The following STX8 variants were observed in gnomAD, a reference collection of about 807,000 sequenced individuals.
STX8 encodes syntaxin-8.
In STX8, 23 loss-of-function variants were observed where a neutral mutation model predicts 37.5. The ratio of observed to expected loss-of-function variants is 0.61; its 90% confidence interval spans 0.44 to 0.87. The LOEUF is 0.87. Among genes scored for constraint, STX8 ranks in the 40% least tolerant of loss-of-function variants. STX8 has a pLI of 0.00. For missense variants in STX8, 313 were observed against 284.7 expected, an observed-to-expected ratio of 1.10 and a Z score of -0.71; for synonymous variants, 115 against 99.1, an observed-to-expected ratio of 1.16 and a Z score of -0.95.
intron 4 of STX8, among the ~76,000 whole-genome samples, chr17:9,506,425 A>G (rs187782729): frequency 3.5e-4 from 12 of 34,628 alleles, no homozygotes; most frequent in African/African-American, 1.2e-3. Context: ...CCCCCCACCC[A>G]CCTTTCTTAG....
At chr17:9,479,852 C>T (rs1906247115) in intron 6 of STX8, among the ~76,000 whole-genome samples, 1 of 152,008 alleles carries the variant, frequency 6.6e-6, no homozygotes, top group African/African-American at 2.4e-5. Flanking sequence ...CTCCTGGCCC[C>T]CTCCTGCCCA....
At chr17:9,498,948 T>G (rs945086409) in intron 5 of STX8, among the ~76,000 whole-genome samples, 2 of 152,204 alleles carry the variant, frequency 1.3e-5, no homozygotes, top group African/African-American at 4.8e-5. Context: ...TTGAGGCAAT[T>G]AAGTGATTGT....
At chr17:9,406,176 A>G (rs537136894) in intron 6 of STX8, among the ~76,000 whole-genome samples, 1 of 152,352 alleles carries the variant, frequency 6.6e-6, no homozygotes, top group African/African-American at 2.4e-5. Flanking sequence ...TCTGCAGTAC[A>G]TGGCAAGCAA....
chr17:9,351,704 A>G (rs570898067), intron 7 of STX8, among the ~76,000 whole-genome samples: 1 of 152,196 alleles, frequency 6.6e-6, no homozygotes, highest in African/African-American at 2.4e-5. Context: ...TTTAATCTAC[A>G]ATTCTTCTAT....
chr17:9,548,698 T>C (rs993787116), intron 3 of STX8, among the ~76,000 whole-genome samples: 1 of 152,176 alleles, frequency 6.6e-6, no homozygotes, highest in African/African-American at 2.4e-5. Flanking sequence ...TTTTGAGCAC[T>C]TACTAAGTGT....
At chr17:9,426,102 C>A (rs140463740) in intron 6 of STX8, among the ~76,000 whole-genome samples, 72 of 152,262 alleles carry the variant, frequency 4.7e-4, no homozygotes, top group African/African-American at 8.7e-4. Flanking sequence ...CCCAAAAATG[C>A]TGAATTTCAA....
chr17:9,283,424 C>G (rs1907961277), intron 7 of STX8: 1 of 152,154 alleles, frequency 6.6e-6, no homozygotes, highest in African/African-American at 2.4e-5. Context: ...GCCTGTAATC[C>G]CAGTTACTCA....
chr17:9,429,370 TATATATAACATATATTTATATATTATAA>T (rs1454674135), intron 6 of STX8, among the ~76,000 whole-genome samples: 3 of 145,454 alleles, frequency 2.1e-5, no homozygotes, highest in South Asian at 2.1e-4. Flanking sequence ...AATAAATATT[TATATATAACATATATTTATATATTATAA>T]ATATATAAAT....
At chr17:9,469,633 A>T (rs1043426867) in intron 6 of STX8, 2 of 152,214 alleles carry the variant, frequency 1.3e-5, no homozygotes, top group African/African-American at 4.8e-5. Flanking sequence ...TTCTGGCAAG[A>T]AAAAAGTACC....
chr17:9,297,241 C>CAAAAAAAAAA (rs112089232), intron 7 of STX8, among the ~76,000 whole-genome samples: 13 of 90,822 alleles, frequency 1.4e-4, no homozygotes, highest in Non-Finnish European at 1.9e-4. Context: ...CCAGAGTTTG[C>CAAAAAAAAAA]AAAAAAAAAA....
At position 9,498,508 on chromosome 17, in the gene STX8, T is replaced by G. The variant is rs185760122; in HGVS notation, c.448+6530A>C. On this transcript the variant is annotated intron_variant, in intron 5 of 7. Coordinates refer to ENST00000306357, the MANE Select transcript of STX8 (RefSeq NM_004853.3). ...TGTTTTTATTTTTGTTTTAAGATTT[T>G]AGGAAAGGAATCCTTCTAGTCTAGG... 2.0e-5 allele frequency among the ~76,000 whole-genome samples: 3 copies of G among 152,330 alleles called. No homozygotes were observed. In the East Asian group the frequency reaches 5.8e-4, roughly 29 times the overall value.
chr17:9,525,155 G>A (rs1351663363), intron 4 of STX8, among the ~76,000 whole-genome samples: 1 of 151,962 alleles, frequency 6.6e-6, no homozygotes, highest in African/African-American at 2.4e-5. Context: ...TGTGAGCAGG[G>A]CCCAGGAATG....
At position 9,543,910 on chromosome 17, in the gene STX8, C is replaced by T. The variant is rs572269325; in HGVS notation, c.323+1262G>A. ...GTTTCTTCATGGAACCTTGGATCGC[C>T]GCTCCTGAGAAGACTGGAACCCACA... On this transcript the variant is annotated intron_variant, in intron 4 of 7. Coordinates refer to ENST00000306357, the MANE Select transcript of STX8 (RefSeq NM_004853.3). Among the ~76,000 whole-genome samples the T allele has an allele frequency of 5.9e-5, 9 of 152,274 alleles. No individual in the cohort carries two copies. In the South Asian group the frequency reaches 8.3e-4, roughly 14 times the overall value.
intron 6 of STX8, among the ~76,000 whole-genome samples, chr17:9,426,462 G>C (rs1328105790): frequency 6.6e-6 from 1 of 152,226 alleles, no homozygotes. Context: ...AGGAGGCAGA[G>C]GTTGCAGTGA....
At chr17:9,504,740 C>T (rs1243603134) in intron 5 of STX8, among the ~76,000 whole-genome samples, 4 of 151,872 alleles carry the variant, frequency 2.6e-5, no homozygotes, top group Admixed American at 1.3e-4. Flanking sequence ...TTTGGGAGGC[C>T]AAGGTGGGAA....
At chr17:9,376,905 A>G (rs1007179757) in intron 7 of STX8, among the ~76,000 whole-genome samples, 1 of 152,206 alleles carries the variant, frequency 6.6e-6, no homozygotes, top group East Asian at 1.9e-4. Context: ...AAGTTTCAGG[A>G]TCTATCATAG....
intron 6 of STX8, among the ~76,000 whole-genome samples, chr17:9,453,865 T>G (rs1318784934): frequency 6.6e-6 from 1 of 152,188 alleles, no homozygotes; most frequent in Non-Finnish European, 1.5e-5. Flanking sequence ...ATGAGTCTCT[T>G]GCTCTCCTAA....
At chr17:9,407,310 T>C (rs945335515) in intron 6 of STX8, among the ~76,000 whole-genome samples, 4 of 152,094 alleles carry the variant, frequency 2.6e-5, no homozygotes, top group African/African-American at 4.8e-5. Flanking sequence ...ATTAAAGGCA[T>C]GAGCCACCCC....
chr17:9,318,912 A>G (rs574424478), intron 7 of STX8, among the ~76,000 whole-genome samples: 2 of 152,330 alleles, frequency 1.3e-5, no homozygotes, highest in East Asian at 3.9e-4. Context: ...CAGAATGACA[A>G]GCAGTTCTCA....
Sources: allele counts gnomAD v4.1 joint callset (sites outside exome capture counted in the v4.1 genomes callset), GRCh38; gene constraint gnomAD v4.1.1; transcripts MANE v1.5; gene names NCBI Gene and HGNC (gene_info 2026-07-23, HGNC 2026-07-21).